The following NUP98 variants were observed in gnomAD, a reference collection of about 807,000 sequenced individuals.
The protein encoded by NUP98 is nucleoporin 98 and 96 precursor.
NUP98 carries 26 observed loss-of-function variants against 191.9 expected under a neutral mutation model. That is an observed-to-expected ratio of 0.14 (90% CI 0.10 to 0.19). NUP98 has a LOEUF of 0.19. Among genes scored for constraint, NUP98 ranks in the 10% least tolerant of loss-of-function variants. NUP98 has a pLI of 1.00. For missense variants in NUP98, 1,941 were observed against 2,178.8 expected (o/e 0.89, Z 2.17); for synonymous variants, 808 against 778.4 (o/e 1.04, Z -0.63).
At chr11:3,779,603 T>C (rs1415301362) in intron 2 of NUP98, among the ~76,000 whole-genome samples, 4 of 149,450 alleles carry the variant, frequency 2.7e-5, no homozygotes, top group African/African-American at 9.9e-5. Flanking sequence ...ATCGTGCCAC[T>C]GCACTCCAGC....
chr11:3,789,584 T>C (rs1304871845), intron 1 of NUP98, among the ~76,000 whole-genome samples: 2 of 148,972 alleles, frequency 1.3e-5, no homozygotes, highest in Non-Finnish European at 3.0e-5. Flanking sequence ...GGCATGATCA[T>C]GGCTCACTGC....
At chr11:3,783,680 C>T (rs893351756) in intron 1 of NUP98, among the ~76,000 whole-genome samples, 1 of 152,016 alleles carries the variant, frequency 6.6e-6, no homozygotes, top group African/African-American at 2.4e-5. Context: ...GCATGGGTGA[C>T]AAGAATGAAA....
chr11:3,681,652 G>T (rs1403568311), intron 30 of NUP98, among the ~76,000 whole-genome samples: 2 of 152,024 alleles, frequency 1.3e-5, no homozygotes, highest in African/African-American at 4.8e-5. Flanking sequence ...TGGGCTTAAA[G>T]TATTCAGTAA....
chr11:3,678,113 G>C (rs1000966606), intron 31 of NUP98, among the ~76,000 whole-genome samples: 25 of 150,340 alleles, frequency 1.7e-4, no homozygotes, highest in African/African-American at 5.7e-4. Context: ...CCTCCAGCCT[G>C]GGTGACAGAG....
intron 4 of NUP98, 147 bp from the exon 5 acceptor site, chr11:3,776,168 A>T: frequency 1.7e-6 from 1 of 593,256 alleles, no homozygotes; most frequent in Non-Finnish European, 2.9e-6. Context: ...GTCTCCTAGG[A>T]TGGAGTGCAG....
intron 1 of NUP98, among the ~76,000 whole-genome samples, chr11:3,788,412 G>A (rs1394073211): frequency 6.6e-6 from 1 of 152,038 alleles, no homozygotes; most frequent in African/African-American, 2.4e-5. Flanking sequence ...AGCCCAGCCT[G>A]GCCTACATGG....
chr11:3,696,669 T>C (rs1039692717), intron 25 of NUP98: 1 of 151,088 alleles, frequency 6.6e-6, no homozygotes, highest in East Asian at 2.0e-4. Context: ...GTTAGCCGAG[T>C]GTGGTGGCAC....
At chr11:3,677,410 G>GTTTTT (rs372075323) in intron 31 of NUP98, among the ~76,000 whole-genome samples, 2 of 130,792 alleles carry the variant, frequency 1.5e-5, no homozygotes, top group South Asian at 2.5e-4. Context: ...TGTAACATAG[G>GTTTTT]TTTTTTTTTT....
At chr11:3,710,752 G>C (rs925009769) in intron 20 of NUP98, among the ~76,000 whole-genome samples, 2 of 152,172 alleles carry the variant, frequency 1.3e-5, no homozygotes, top group Admixed American at 1.3e-4. Flanking sequence ...TTGGGTCAGT[G>C]AGCAATAAAT....
chr11:3,762,802 C>G, intron 9 of NUP98, 100 bp downstream of exon 9: 2 of 1,257,284 alleles, frequency 1.6e-6, no homozygotes, highest in Non-Finnish European at 1.1e-6. Flanking sequence ...CAATAATACA[C>G]CCAATAAAAA....
Position 3,715,566 on chromosome 11 carries a change from T to C in NUP98, c.2400-1571A>G, listed in dbSNP as rs76258305. 4.7e-3 allele frequency among the ~76,000 whole-genome samples: 709 copies of C among 152,292 alleles called. 2 individuals are homozygous for C. Among genetic ancestry groups the C allele is most frequent in the African/African-American group, 0.016 (677 of 41,568 alleles). On this transcript the variant is annotated intron_variant, in intron 18 of 32. Coordinates refer to ENST00000324932, the MANE Select transcript of NUP98 (RefSeq NM_016320.5). ...GGTCATTTGTATATCTTTGGAGAAATGTCGATTCAAGTCCTTTGCCAATAT... is the reference window on the plus strand; with the variant it reads ...GGTCATTTGTATATCTTTGGAGAAACGTCGATTCAAGTCCTTTGCCAATAT...
At chr11:3,776,634 G>A (rs1459084863) in intron 4 of NUP98, among the ~76,000 whole-genome samples, 1 of 151,654 alleles carries the variant, frequency 6.6e-6, no homozygotes, top group African/African-American at 2.4e-5. Context: ...ACAGGTGCCC[G>A]CCACCAAACC....
At chr11:3,770,847 A>C (rs1265524760) in intron 7 of NUP98, among the ~76,000 whole-genome samples, 2 of 152,070 alleles carry the variant, frequency 1.3e-5, no homozygotes, top group Non-Finnish European at 2.9e-5. Flanking sequence ...CTGGGTCCAG[A>C]ACCTCATCTT....
intron 4 of NUP98, among the ~76,000 whole-genome samples, chr11:3,778,121 C>T (rs1162548131): frequency 1.3e-5 from 2 of 150,404 alleles, no homozygotes; most frequent in African/African-American, 4.9e-5. Flanking sequence ...ATGGCATGAA[C>T]CCAGGAGGCA....
At chr11:3,747,861 T>A (rs2080566316) in intron 11 of NUP98, among the ~76,000 whole-genome samples, 1 of 152,188 alleles carries the variant, frequency 6.6e-6, no homozygotes, top group South Asian at 2.1e-4. Flanking sequence ...TATATGCAAG[T>A]CTCAGGAAAT....
At chr11:3,744,716 T>G in intron 11 of NUP98, 67 bp from the exon 12 acceptor site, 1 of 1,530,394 alleles carries the variant, frequency 6.5e-7, no homozygotes, top group Admixed American at 2.2e-5. Flanking sequence ...CAGAGGTCAG[T>G]TACTTAAAAA....
At chr11:3,717,443 CT>C (rs1213064364) in intron 18 of NUP98, among the ~76,000 whole-genome samples, 2 of 152,052 alleles carry the variant, frequency 1.3e-5, no homozygotes, top group Non-Finnish European at 2.9e-5. Context: ...ATATTTTATT[CT>C]TTTTGATGCT....
chr11:3,752,155 A>AG (rs1221492583), intron 11 of NUP98, among the ~76,000 whole-genome samples: 2 of 151,238 alleles, frequency 1.3e-5, no homozygotes, highest in Non-Finnish European at 2.9e-5. Flanking sequence ...AAAAAAAAAA[A>AG]GGGAAATTGA....
At chr11:3,696,511 G>A (rs913328056) in intron 25 of NUP98, among the ~76,000 whole-genome samples, 2 of 151,398 alleles carry the variant, frequency 1.3e-5, no homozygotes, top group African/African-American at 4.9e-5. Context: ...TGGTGCAGGG[G>A]GGAGGGAAAA....
Sources: allele counts gnomAD v4.1 joint callset (sites outside exome capture counted in the v4.1 genomes callset), GRCh38; gene constraint gnomAD v4.1.1; transcripts MANE v1.5; gene names NCBI Gene and HGNC (gene_info 2026-07-23, HGNC 2026-07-21).